Variants in CDH23 observed in about 807,000 individuals in gnomAD.
The protein encoded by CDH23 is cadherin-23.
A neutral mutation model predicts 317.1 loss-of-function variants in CDH23; 189 were observed. The observed-to-expected ratio is 0.60, with a 90% CI of 0.53 to 0.67. CDH23 has a LOEUF of 0.67. Among genes scored for constraint, CDH23 ranks in the 30% least tolerant of loss-of-function variants. The pLI is 0.00. For missense variants in CDH23, 4,401 were observed against 4,592.4 expected (o/e 0.96, Z 1.20); for synonymous variants, 1,839 against 1,876.8 (o/e 0.98, Z 0.52).
At chr10:71,669,040 C>T (rs753609999) in intron 14 of CDH23, among the ~76,000 whole-genome samples, 2 of 152,230 alleles carry the variant, frequency 1.3e-5, no homozygotes, top group South Asian at 2.1e-4. Context: ...CAGCCAGTCT[C>T]GGCTGCACCC....
intron 9 of CDH23, among the ~76,000 whole-genome samples, chr10:71,597,197 C>T (rs1409880757): frequency 6.6e-6 from 1 of 151,974 alleles, no homozygotes; most frequent in African/African-American, 2.4e-5. Flanking sequence ...CGATGGCAGT[C>T]CTGGGGCCGG....
In CDH23 at chr10:71,704,981, G is replaced by T; in HGVS notation, c.2804G>T (p.Arg935Leu). 1.9e-6 allele frequency: 3 copies of T among 1,612,820 alleles called. No individual in the cohort carries two copies. Among genetic ancestry groups the T allele is most frequent in the Non-Finnish European group, 2.5e-6 (3 of 1,179,838 alleles). Residue 935 changes from arginine to leucine, a missense_variant, in exon 25 of 70, where the codon CGC becomes CTC. Arg to Leu is a moderately radical substitution (Grantham distance 102, BLOSUM62 -2). Around this residue, in one of 3 missense-constraint regions of CDH23, gnomAD observed 3,068 missense variants for 3,203.3 expected, o/e 0.96. Transcript: ENST00000224721. Reference protein sequence around the residue: ...VSYRMPVGMPRMDFLINSSSG... With the variant: ...VSYRMPVGMPLMDFLINSSSG... The stretch of plus-strand genomic sequence containing the variant: ...TACCGCATGCCGGTGGGCATGCCCC[G>T]CATGGACTTCCTCATCAACAGCAGC...
chr10:71,448,942 A>G (rs1387695746), intron 3 of CDH23, among the ~76,000 whole-genome samples: 1 of 152,154 alleles, frequency 6.6e-6, no homozygotes, highest in Non-Finnish European at 1.5e-5. Context: ...TTTTCCTGCC[A>G]TGGGGAGTGG....
intron 17 of CDH23, among the ~76,000 whole-genome samples, chr10:71,680,800 CTCTG>C (rs1343334503): frequency 6.4e-5 from 9 of 139,590 alleles, no homozygotes; most frequent in Non-Finnish European, 1.2e-4. Context: ...ATCTACATCC[CTCTG>C]TCTTTCTTTT....
chr10:71,775,104 C>T (rs1033569802), intron 38 of CDH23, among the ~76,000 whole-genome samples: 25 of 152,196 alleles, frequency 1.6e-4, no homozygotes, highest in Non-Finnish European at 2.6e-4. Flanking sequence ...CTTGTGACCC[C>T]ACCTTGGAAG....
intron 14 of CDH23, among the ~76,000 whole-genome samples, chr10:71,668,723 C>T (rs1214118729): frequency 6.6e-6 from 1 of 152,210 alleles, no homozygotes; most frequent in African/African-American, 2.4e-5. Context: ...CCCTTCCCCT[C>T]GCTACAGCCA....
chr10:71,492,766 GATGTT>G (rs1246220777), intron 3 of CDH23, among the ~76,000 whole-genome samples: 2 of 152,230 alleles, frequency 1.3e-5, no homozygotes, highest in Non-Finnish European at 2.9e-5. Flanking sequence ...TCACGTGAGA[GATGTT>G]GTCCAGAGGA....
intron 6 of CDH23, among the ~76,000 whole-genome samples, chr10:71,537,898 C>T (rs1855787516): frequency 6.6e-6 from 1 of 152,190 alleles, no homozygotes; most frequent in East Asian, 1.9e-4. Flanking sequence ...AAGCCGACTC[C>T]TCCCACTCAC....
Position 71,786,488 on chromosome 10 carries a change from C to CTTTT in CDH23, c.5820+768_5820+771dup, listed in dbSNP as rs71018221. On this transcript the variant is annotated intron_variant, in intron 44 of 69. Coordinates refer to ENST00000224721, the MANE Select transcript of CDH23 (RefSeq NM_022124.6). ...ATGTGGTGCTCCTCTGCTTCCTACT[C>CTTTT]TTTTTTTTTTTTTTTTTTTTTGAGA... is the stretch of plus-strand genomic sequence containing the variant. 7.0e-3 allele frequency among the ~76,000 whole-genome samples: 733 copies of CTTTT among 105,342 alleles called. 35 individuals are homozygous for CTTTT. Among genetic ancestry groups the CTTTT allele is most frequent in the African/African-American group, 0.013 (317 of 25,056 alleles). The allele number at this position is 105,342 out of a possible 152,430, so 69.1% of individuals were successfully genotyped here.
intron 38 of CDH23, among the ~76,000 whole-genome samples, chr10:71,775,511 G>A (rs1840797406): frequency 6.6e-6 from 1 of 152,178 alleles, no homozygotes; most frequent in African/African-American, 2.4e-5. Context: ...GCATCAGGGT[G>A]AGACACAGGC....
chr10:71,762,063 TC>T (rs1200918223), intron 38 of CDH23: 1 of 1,554,092 alleles, frequency 6.4e-7, no homozygotes, highest in Admixed American at 1.8e-5. Flanking sequence ...ACCTGACTGA[TC>T]CAGTGCTACT....
chr10:71,683,195 T>C (rs1227095), intron 18 of CDH23, among the ~76,000 whole-genome samples: 136,221 of 152,232 alleles, frequency 0.89, 61,093 homozygotes, highest in East Asian at 0.93. Flanking sequence ...GCGGGACCAA[T>C]GGGCCCCTCC....
chr10:71,715,827 C>T, intron 28 of CDH23: 1 of 1,153,036 alleles, frequency 8.7e-7, no homozygotes, highest in Non-Finnish European at 1.2e-6. Context: ...GTGTGTGTCC[C>T]AGACTGCTTG....
intron 6 of CDH23, among the ~76,000 whole-genome samples, chr10:71,538,231 C>A (rs566202176): frequency 1.1e-3 from 162 of 152,260 alleles, no homozygotes; most frequent in Middle Eastern, 6.8e-3. Context: ...TAGGGGTTGA[C>A]GAAAGCTGAG....
chr10:71,689,948 A>C (rs1865125261), intron 19 of CDH23, among the ~76,000 whole-genome samples: 1 of 152,204 alleles, frequency 6.6e-6, no homozygotes, highest in Non-Finnish European at 1.5e-5. Context: ...GGGTGGCTGG[A>C]AAAGCTGATA....
chr10:71,798,063 G>A (rs375071172), intron 49 of CDH23, among the ~76,000 whole-genome samples: 23 of 152,302 alleles, frequency 1.5e-4, no homozygotes, highest in African/African-American at 4.8e-4. Flanking sequence ...AGGATCTAGG[G>A]TCTTAAAGAT....
chr10:71,772,257 C>T (rs1840701922), intron 38 of CDH23, among the ~76,000 whole-genome samples: 2 of 152,204 alleles, frequency 1.3e-5, no homozygotes, highest in Non-Finnish European at 2.9e-5. Context: ...AAGGTATCTT[C>T]CAGGTTCAGC....
intron 38 of CDH23, chr10:71,747,725 T>A (rs1462274358): frequency 1.3e-5 from 2 of 152,266 alleles, no homozygotes; most frequent in African/African-American, 4.8e-5. Flanking sequence ...GCACCAAGTA[T>A]TCTAACAGAA....
At position 71,773,232 on chromosome 10, in the gene CDH23, G is replaced by C. The variant is rs1840727547; in HGVS notation, c.4846-4448G>C. ...GGGTCCCAGCAGCCTCTGGGCGGTGGGTGGAGTGGGGTGCACGGTCACACA... is the reference window on the plus strand; with the variant it reads ...GGGTCCCAGCAGCCTCTGGGCGGTGCGTGGAGTGGGGTGCACGGTCACACA... On this transcript the variant is annotated intron_variant, in intron 38 of 69. Coordinates refer to ENST00000224721, the MANE Select transcript of CDH23 (RefSeq NM_022124.6). The C allele has an allele frequency of 2.7e-6, 3 of 1,103,980 alleles. No individual in the cohort carries two copies. The South Asian group carries it at 4.6e-5, about 17-fold the overall frequency. The allele number at this position is 1,103,980 out of a possible 1,614,324, so 68.4% of individuals were successfully genotyped here. A position where few individuals can be genotyped will look rare whatever the true frequency, so the allele number is the denominator to read the frequency against.
Sources: gnomAD v4.1 joint callset for allele counts (sites outside exome capture counted in the v4.1 genomes callset) on GRCh38, gnomAD v4.1.1 for gene constraint, gnomAD v4.1.1 regional missense constraint, MANE v1.5 for transcripts, NCBI Gene and HGNC (gene_info 2026-07-23, HGNC 2026-07-21) for gene names.